The following ROBO2 variants were observed in gnomAD, a reference collection of about 807,000 sequenced individuals.
The protein encoded by ROBO2 is roundabout guidance receptor 2.
ROBO2 carries 53 observed loss-of-function variants against 160.8 expected under a neutral mutation model. That is an observed-to-expected ratio of 0.33 (90% CI 0.26 to 0.41). The LOEUF (loss-of-function observed/expected upper bound fraction) is 0.41. Ranked by LOEUF, ROBO2 falls within the 10% of genes least tolerant of loss-of-function variation. The pLI, the probability that ROBO2 is intolerant of heterozygous loss-of-function variation, is 1.00. For synonymous variants in ROBO2, 664 were observed against 611.7 expected (o/e 1.09, Z -1.26); for missense variants, 1,577 against 1,722.4 (o/e 0.92, Z 1.49).
In ROBO2 at chr3:77,053,407, C is replaced by T. The variant is rs927627765; in HGVS notation, c.61+12561C>T. Among the ~76,000 whole-genome samples the T allele has an allele frequency of 3.3e-5, 5 of 152,126 alleles. 1 individual carries two copies. In the South Asian group the frequency reaches 1.0e-3, roughly 31 times the overall value. ...ACTCATGCTCATTCCAAAGGCTTTA[C>T]TTTCATCTGAATATGAGAACAAACA... On this transcript the variant is annotated intron_variant, in intron 1 of 25. Transcript: ENST00000461745.
At chr3:76,381,648 CTAT>C (rs1358986293) in intron 2 of ROBO2, among the ~76,000 whole-genome samples, 1 of 152,138 alleles carries the variant, frequency 6.6e-6, no homozygotes, top group Non-Finnish European at 1.5e-5. Flanking sequence ...TGTGCCCCGC[CTAT>C]TATTATTATG....
rs149985632 is a variant in ROBO2 at position 77,546,924 on chromosome 3, T to G, written c.1059+462T>G. Among the ~76,000 whole-genome samples the G allele has an allele frequency of 1.8e-3, 276 of 152,232 alleles. 1 individual carries two copies. The highest frequency in any genetic ancestry group is 6.2e-3 in the African/African-American group (258 of 41,566). On this transcript the variant is annotated intron_variant, in intron 7 of 25. Coordinates refer to ENST00000461745, the Ensembl canonical transcript of ROBO2. Reference sequence around the variant, plus strand: ...TTATATACACAGCATAAATGACTTTTCTTACCCTTAATTAAAGCATGCTTC... The same window carrying G: ...TTATATACACAGCATAAATGACTTTGCTTACCCTTAATTAAAGCATGCTTC...
chr3:76,427,274 C>A (rs1237233635), intron 2 of ROBO2, among the ~76,000 whole-genome samples: 6 of 151,218 alleles, frequency 4.0e-5, no homozygotes, highest in East Asian at 1.9e-4. Flanking sequence ...AAAAAAAAAA[C>A]CACTCGCTTG....
At chr3:76,913,818 G>T (rs535773901) in intron 2 of ROBO2, among the ~76,000 whole-genome samples, 1 of 152,122 alleles carries the variant, frequency 6.6e-6, no homozygotes, top group South Asian at 2.1e-4. Flanking sequence ...AGGAGTAACT[G>T]TGAATAATAC....
At chr3:76,103,187 G>A (rs2069774573) in intron 2 of ROBO2, among the ~76,000 whole-genome samples, 1 of 152,164 alleles carries the variant, frequency 6.6e-6, no homozygotes, top group Non-Finnish European at 1.5e-5. Flanking sequence ...CCAGGTACAG[G>A]AGAAAGTCGA....
chr3:77,350,993 G>A (rs1560596051), intron 2 of ROBO2, among the ~76,000 whole-genome samples: 1 of 152,176 alleles, frequency 6.6e-6, no homozygotes, highest in East Asian at 1.9e-4. Flanking sequence ...ATTTCTATAT[G>A]TGTCAATAAG....
At chr3:77,308,537 G>C (rs2063289646) in intron 2 of ROBO2, among the ~76,000 whole-genome samples, 3 of 152,098 alleles carry the variant, frequency 2.0e-5, no homozygotes, top group African/African-American at 7.2e-5. Flanking sequence ...GAGGAGCATG[G>C]ATGCTGGATA....
chr3:76,322,163 C>CATATATAT lies in ROBO2; in HGVS notation c.109+384561_109+384562insATATATAT, dbSNP rs1559761091. On this transcript the variant is annotated intron_variant, in intron 2 of 26. Transcript: ENST00000487694. Reference sequence around the variant, plus strand: ...TATTTGAAATGATTTCTACTTCTTCCGTATATATATATATATATATATATA... The same window carrying CATATATAT: ...TATTTGAAATGATTTCTACTTCTTCCATATATATGTATATATATATATATATATATATA... Among the ~76,000 whole-genome samples the CATATATAT allele has an allele frequency of 1.5e-3, 59 of 40,162 alleles. 1 individual carries two copies. The highest frequency in any genetic ancestry group is 2.1e-3 in the Admixed American group (6 of 2,908). The allele number at this position is 40,162 out of a possible 152,430, so 26.3% of individuals were successfully genotyped here.
intron 4 of ROBO2, among the ~76,000 whole-genome samples, chr3:77,481,891 G>A (rs529706624): frequency 4.6e-5 from 7 of 152,192 alleles, no homozygotes; most frequent in East Asian, 1.9e-4. Flanking sequence ...AAAGATGGCC[G>A]AGGAAACAAA....
chr3:77,621,978 C>T (rs1054830621), intron 22 of ROBO2, among the ~76,000 whole-genome samples: 2 of 151,938 alleles, frequency 1.3e-5, no homozygotes, highest in East Asian at 3.9e-4. Flanking sequence ...ATACTGGGCC[C>T]GTATTTTTTT....
At chr3:76,433,116 A>T (rs1181547039) in intron 2 of ROBO2, among the ~76,000 whole-genome samples, 1 of 152,192 alleles carries the variant, frequency 6.6e-6, no homozygotes, top group Non-Finnish European at 1.5e-5. Context: ...TTTCTCATAT[A>T]TCTGCAGTTA....
At chr3:76,652,982 C>A (rs1046684698) in intron 2 of ROBO2, among the ~76,000 whole-genome samples, 4 of 151,890 alleles carry the variant, frequency 2.6e-5, no homozygotes, top group African/African-American at 9.7e-5. Flanking sequence ...ATGATATTTG[C>A]CATTTATTAC....
At chr3:76,868,902 A>G (rs2071671384) in intron 2 of ROBO2, among the ~76,000 whole-genome samples, 1 of 152,212 alleles carries the variant, frequency 6.6e-6, no homozygotes, top group African/African-American at 2.4e-5. Flanking sequence ...TTATGATTAC[A>G]TGAAAATTTT....
chr3:76,313,933 GTA>G (rs2071781834), intron 2 of ROBO2, among the ~76,000 whole-genome samples: 1 of 152,152 alleles, frequency 6.6e-6, no homozygotes, highest in Non-Finnish European at 1.5e-5. Flanking sequence ...AAAGACCAGT[GTA>G]TACGTGTGGC....
chr3:77,420,864 GAGT>G, intron 2 of ROBO2, among the ~76,000 whole-genome samples: 1 of 152,210 alleles, frequency 6.6e-6, no homozygotes, highest in East Asian at 1.9e-4. Context: ...TCTATAAAAT[GAGT>G]AGATTTATGC....
chr3:77,105,124 G>C (rs949708871), intron 2 of ROBO2, among the ~76,000 whole-genome samples: 2 of 151,996 alleles, frequency 1.3e-5, no homozygotes, highest in East Asian at 1.9e-4. Flanking sequence ...TCTTTCACTT[G>C]TCAGGTTCAG....
intron 2 of ROBO2, among the ~76,000 whole-genome samples, chr3:77,368,732 G>A (rs1282009186): frequency 6.6e-6 from 1 of 152,072 alleles, no homozygotes; most frequent in Non-Finnish European, 1.5e-5. Context: ...GATATTCTCA[G>A]TACATTTAGC....
At position 77,644,888 on chromosome 3, in the gene ROBO2, GT is replaced by G; in HGVS notation, c.4122del (p.Phe1374LeufsTer8). On this transcript the variant is annotated frameshift_variant, in exon 25 of 26. Transcript: ENST00000461745. LOFTEE classifies it high-confidence loss of function. ...ATATGGGCTCCAACAGTCAAGGACA[GT>G]TTACAGGTGAATTATGTAAGTGCTT... The G allele has an allele frequency of 6.2e-7, 1 of 1,614,104 alleles. No homozygotes were observed. The highest frequency in any genetic ancestry group is 8.5e-7 in the Non-Finnish European group (1 of 1,179,970).
At chr3:76,110,021 T>TTA (rs199662389) in intron 2 of ROBO2, among the ~76,000 whole-genome samples, 1,656 of 151,152 alleles carry the variant, frequency 0.011, 35 homozygotes, top group African/African-American at 0.038. Flanking sequence ...AGTAGTATTG[T>TTA]TATATATATA....
Sources: allele counts gnomAD v4.1 joint callset (sites outside exome capture counted in the v4.1 genomes callset), GRCh38; gene constraint gnomAD v4.1.1; transcripts MANE v1.5; gene names NCBI Gene and HGNC (gene_info 2026-07-23, HGNC 2026-07-21).